Variants in CCNL2 observed in about 807,000 individuals in gnomAD.
CCNL2 encodes cyclin L2, also known as cyclin-L2.
CCNL2 carries 28 observed loss-of-function variants against 59.1 expected under a neutral mutation model. The ratio of observed to expected loss-of-function variants is 0.47; its 90% CI spans 0.35 to 0.65. The LOEUF (loss-of-function observed/expected upper bound fraction) is 0.65. Among genes scored for constraint, CCNL2 ranks in the 30% least tolerant of loss-of-function variants. CCNL2 has a pLI of 0.00. For missense variants in CCNL2, 714 were observed against 717.4 expected (o/e 1.00, Z 0.05); for synonymous variants, 342 against 288.6 (o/e 1.19, Z -1.88).
rs1191829024 is a variant in CCNL2, at chr1:1,386,004, C to G, written c.*1227G>C. On this transcript the variant is annotated 3_prime_UTR_variant, in exon 11 of 11. Coordinates refer to ENST00000400809, the MANE Select transcript of CCNL2 (RefSeq NM_030937.6). ...TCCCCGTTATCCCACTAGCCCCGGCCTATATGTCCCACTGCCCTAGTAAGT... is the reference window on the plus strand; with the variant it reads ...TCCCCGTTATCCCACTAGCCCCGGCGTATATGTCCCACTGCCCTAGTAAGT... 6.6e-6 allele frequency: 1 copy of G among 152,230 alleles called. No homozygotes were observed. The highest frequency in any genetic ancestry group is 1.5e-5 in the Non-Finnish European group (1 of 68,052). The allele number at this position is 152,230 out of a possible 1,614,324, so 9.4% of individuals were successfully genotyped here.
At position 1,387,568 on chromosome 1, in the gene CCNL2, C is replaced by T. The variant is rs563275316; in HGVS notation, c.1226G>A (p.Gly409Asp). ...CGACTTGGACCCACCAGATGTGGAG[C>T]CGCTGTCACTTTTCCTGGGAGGAAG... is the stretch of plus-strand genomic sequence containing the variant. ...ASPKRRKSDS[G>D]STSGGSKSQS... Residue 409 changes from glycine (G) to aspartate (D), a missense_variant, in exon 11 of 11, where the codon GGC (glycine) becomes GAC (aspartate). Gly to Asp is a moderately conservative substitution (Grantham distance 94, BLOSUM62 -1). Around this residue, in one of 5 missense-constraint regions of CCNL2, gnomAD observed 403 missense variants for 377.7 expected, o/e 1.07. Coordinates refer to ENST00000400809, the MANE Select transcript of CCNL2 (RefSeq NM_030937.6). 1.3e-6 allele frequency: 2 copies of T among 1,495,986 alleles called. No homozygotes were observed. Among genetic ancestry groups the T allele is most frequent in the Non-Finnish European group, 1.8e-6 (2 of 1,123,148 alleles). 92.7% of individuals were successfully genotyped at this position (1,495,986 alleles called of 1,614,324 possible).
chr1:1,394,755 A>G (rs1159686729), intron 4 of CCNL2, among the ~76,000 whole-genome samples: 3 of 144,522 alleles, frequency 2.1e-5, no homozygotes, highest in South Asian at 4.3e-4. Flanking sequence ...GTCTCAAGAA[A>G]AAAAAAAAAA....
chr1:1,390,992 G>A, intron 5 of CCNL2, 127 bp from the exon 6 acceptor site: 1 of 909,096 alleles, frequency 1.1e-6, no homozygotes, highest in Non-Finnish European at 1.7e-6. Flanking sequence ...AGGACTCAGA[G>A]CTAGACAGTC....
At chr1:1,394,457 T>G (rs1644907872) in intron 4 of CCNL2, among the ~76,000 whole-genome samples, 3 of 151,814 alleles carry the variant, frequency 2.0e-5, no homozygotes, top group African/African-American at 7.3e-5. Flanking sequence ...ATGTAGAAAA[T>G]TAACTGTTGA....
At chr1:1,397,588 G>T (rs137946891) in intron 3 of CCNL2, among the ~76,000 whole-genome samples, 1 of 152,332 alleles carries the variant, frequency 6.6e-6, no homozygotes, top group Non-Finnish European at 1.5e-5. Flanking sequence ...CCAGCCAGAT[G>T]CGGTGGCTGA....
chr1:1,393,807 T>C (rs556533065), intron 4 of CCNL2, among the ~76,000 whole-genome samples: 3 of 152,130 alleles, frequency 2.0e-5, no homozygotes, highest in Non-Finnish European at 2.9e-5. Context: ...CAAAACACAA[T>C]ATGAACATAC....
intron 4 of CCNL2, among the ~76,000 whole-genome samples, chr1:1,394,002 T>C (rs1644881120): frequency 6.6e-6 from 1 of 151,970 alleles, no homozygotes; most frequent in Non-Finnish European, 1.5e-5. Context: ...GGTGCACGCC[T>C]GTAATCCCAG....
rs766939185 is a variant in CCNL2 at position 1,399,027 on chromosome 1, G to C, written c.280C>G (p.Leu94Val). 7 of 1,576,788 alleles carry C rather than the reference G, an allele frequency of 4.4e-6. No homozygotes were observed. Among genetic ancestry groups the C allele is most frequent in the Admixed American group, 1.8e-5 (1 of 54,348 alleles). Residue 94 changes from leucine to valine, a missense_variant, in exon 1 of 11, where the codon CTG (leucine) becomes GTG (valine). Coordinates refer to ENST00000400809, the MANE Select transcript of CCNL2 (RefSeq NM_030937.6). The stretch of plus-strand genomic sequence containing the variant: ...CGCGGCCGCGCCCTCACCTGCGGCA[G>C]GCGGAGCAGGATACCGGCCGCCTGG... ...LIQAAGILLRLPQVAMATGQV... is the reference protein window; with the variant it reads ...LIQAAGILLRVPQVAMATGQV...
In CCNL2 at chr1:1,398,585, A is replaced by G. The variant is rs375822875; in HGVS notation, c.363+12T>C. 3.7e-6 allele frequency: 6 copies of G among 1,612,292 alleles called. No homozygotes were observed. The highest frequency in any genetic ancestry group is 5.1e-6 in the Non-Finnish European group (6 of 1,178,572). ...TACTTCGCTGGGAATGAAGTGCAGGAGGAAGCCTTACCTCCATGGAGTGCT... is the reference window on the plus strand; with the variant it reads ...TACTTCGCTGGGAATGAAGTGCAGGGGGAAGCCTTACCTCCATGGAGTGCT... On this transcript the variant is annotated intron_variant, in intron 2 of 10. Transcript: ENST00000400809.
intron 8 of CCNL2, 183 bp from the exon 9 acceptor site, chr1:1,388,248 C>A (rs145696671): frequency 0.015 from 8,649 of 595,770 alleles, 94 homozygotes; most frequent in Admixed American, 0.019. Context: ...TGGGGCTGGA[C>A]GCGGGGGCTC....
In CCNL2 at chr1:1,390,297, C is replaced by G; in HGVS notation, c.939G>C (p.Arg313=). Residue 313 remains arginine (R), a synonymous_variant, in exon 8 of 11, where the codon CGG becomes CGC. Transcript: ENST00000400809. ...HAIEEAKAQA[R]GLLPGGTQVL... is the part of the protein sequence containing the mutation. ...CCTGTGTGCCCCCAGGCAACAGGCC[C>G]CGGGCTTGGGCCTTTGCCTCTTCGA... is the stretch of plus-strand genomic sequence containing the variant. 5.6e-6 allele frequency: 9 copies of G among 1,613,948 alleles called. No individual in the cohort carries two copies. The highest frequency in any genetic ancestry group is 7.6e-6 in the Non-Finnish European group (9 of 1,179,888).
chr1:1,387,727 G>A lies in CCNL2; in HGVS notation c.1211+50C>T, dbSNP rs1038055838. ...CAGGGTGAGAATGATTACCCCGAGGGACAGCCCCACCCCGGTATCGGCCTC... is the reference window on the plus strand; with the variant it reads ...CAGGGTGAGAATGATTACCCCGAGGAACAGCCCCACCCCGGTATCGGCCTC... On this transcript the variant is annotated intron_variant, in intron 10 of 10. Transcript: ENST00000400809. 3.9e-6 allele frequency: 6 copies of A among 1,520,652 alleles called. No homozygotes were observed. In the African/African-American group the frequency reaches 8.3e-5, roughly 21 times the overall value. The allele number at this position is 1,520,652 out of a possible 1,614,324, so 94.2% of individuals were successfully genotyped here.
In CCNL2 at chr1:1,390,387, G is replaced by A. The variant is rs1289040544; in HGVS notation, c.865-16C>T. The A allele has an allele frequency of 6.2e-7, 1 of 1,612,116 alleles. No homozygotes were observed. Among genetic ancestry groups the A allele is most frequent in the South Asian group, 1.1e-5 (1 of 91,052 alleles). Reference sequence around the variant, plus strand: ...TGAGATCAACCTGCAAAAGCCAGAAGGTGTCCGTTCAGAACCAGGTGTTTC... The same window carrying A: ...TGAGATCAACCTGCAAAAGCCAGAAAGTGTCCGTTCAGAACCAGGTGTTTC... On this transcript the variant is annotated splice_polypyrimidine_tract_variant and intron_variant, in intron 7 of 10. Transcript: ENST00000400809.
At position 1,387,885 on chromosome 1, in the gene CCNL2, G is replaced by C; in HGVS notation, c.1119-16C>G. On this transcript the variant is annotated splice_polypyrimidine_tract_variant and intron_variant, in intron 9 of 10. Transcript: ENST00000400809. The stretch of plus-strand genomic sequence containing the variant: ...CTTTGGCAAGCTGTGAACAGGACAG[G>C]AGCCAGTTACAAAGCAGAAGTCCCT... The C allele has an allele frequency of 6.2e-7, 1 of 1,613,812 alleles. No homozygotes were observed.
intron 3 of CCNL2, among the ~76,000 whole-genome samples, chr1:1,397,585 G>C (rs150313985): frequency 6.6e-6 from 1 of 152,220 alleles, no homozygotes; most frequent in African/African-American, 2.4e-5. Flanking sequence ...TACCCAGCCA[G>C]ATGCGGTGGC....
At chr1:1,393,550 T>C in intron 4 of CCNL2, 90 bp from the exon 5 acceptor site, 1 of 1,121,284 alleles carries the variant, frequency 8.9e-7, no homozygotes, top group Non-Finnish European at 1.4e-6. Context: ...AACAAGAGCC[T>C]CAAGCTAGAT....
At chr1:1,397,697 A>T (rs1303708657) in intron 3 of CCNL2, among the ~76,000 whole-genome samples, 1 of 152,090 alleles carries the variant, frequency 6.6e-6, no homozygotes, top group Admixed American at 6.5e-5. Context: ...CCCCATCTTT[A>T]CCAAATAAAA....
chr1:1,396,583 T>G (rs113531386), intron 3 of CCNL2, among the ~76,000 whole-genome samples: 14 of 140,388 alleles, frequency 1.0e-4, no homozygotes, highest in African/African-American at 3.3e-4. Flanking sequence ...TTTTTTTTTT[T>G]TTTTTTTTTT....
chr1:1,395,669 G>T, intron 3 of CCNL2, 155 bp from the exon 4 acceptor site: 1 of 1,024,388 alleles, frequency 9.8e-7, no homozygotes, highest in Non-Finnish European at 1.4e-6. Flanking sequence ...ACTGCACACC[G>T]CTCCCCACAG....
Sources: gnomAD v4.1 joint callset for allele counts (sites outside exome capture counted in the v4.1 genomes callset) on GRCh38, gnomAD v4.1.1 for gene constraint, gnomAD v4.1.1 regional missense constraint, MANE v1.5 for transcripts, NCBI Gene and HGNC (gene_info 2026-07-23, HGNC 2026-07-21) for gene names.